The following PDE4B variants were observed in gnomAD, a reference collection of about 807,000 sequenced individuals.
The protein encoded by PDE4B is 3',5'-cyclic-AMP phosphodiesterase 4B.
PDE4B carries 20 observed loss-of-function variants against 82.2 expected under a neutral mutation model. The ratio of observed to expected loss-of-function variants is 0.24; its 90% CI spans 0.17 to 0.35. The LOEUF (loss-of-function observed/expected upper bound fraction) is 0.35. Ranked by LOEUF, PDE4B falls within the 10% of genes least tolerant of loss-of-function variation. The pLI, the probability that PDE4B is intolerant of heterozygous loss-of-function variation, is 1.00. For synonymous variants in PDE4B, 320 were observed against 318.9 expected, an observed-to-expected ratio of 1.00 and a Z score of -0.04; for missense variants, 655 against 907.2, an observed-to-expected ratio of 0.72 and a Z score of 3.57.
chr1:65,921,157 A>G (rs1647235300), intron 3 of PDE4B, among the ~76,000 whole-genome samples: 1 of 150,300 alleles, frequency 6.7e-6, no homozygotes, highest in Non-Finnish European at 1.5e-5. Context: ...TTTAGTAGAG[A>G]CGGGGTTTCA....
intron 3 of PDE4B, among the ~76,000 whole-genome samples, chr1:66,013,328 T>G (rs929660276): frequency 6.6e-6 from 1 of 152,116 alleles, no homozygotes; most frequent in African/African-American, 2.4e-5. Context: ...AGTTTTTCAT[T>G]CAGAAGTGTC....
intron 3 of PDE4B, among the ~76,000 whole-genome samples, chr1:66,164,292 T>G (rs915248995): frequency 1.3e-5 from 2 of 152,030 alleles, no homozygotes; most frequent in African/African-American, 4.8e-5. Context: ...AATCCAGTGC[T>G]TTGGGAGGCC....
At chr1:65,853,386 T>C (rs940989143) in intron 1 of PDE4B, among the ~76,000 whole-genome samples, 2 of 152,164 alleles carry the variant, frequency 1.3e-5, no homozygotes, top group Non-Finnish European at 2.9e-5. Flanking sequence ...TTATTATAGA[T>C]ATATTTCAGT....
At chr1:65,822,984 A>T (rs970111355) in intron 1 of PDE4B, among the ~76,000 whole-genome samples, 4 of 152,074 alleles carry the variant, frequency 2.6e-5, no homozygotes, top group African/African-American at 9.7e-5. Flanking sequence ...ACTGATTTTA[A>T]TTTCCATTTT....
At chr1:66,225,084 G>T (rs938794837) in intron 3 of PDE4B, among the ~76,000 whole-genome samples, 1 of 152,130 alleles carries the variant, frequency 6.6e-6, no homozygotes, top group Non-Finnish European at 1.5e-5. Flanking sequence ...CTTTGCACCT[G>T]CATCTGTCTC....
chr1:65,984,588 C>G (rs182358940), intron 3 of PDE4B, among the ~76,000 whole-genome samples: 21 of 152,234 alleles, frequency 1.4e-4, no homozygotes, highest in Non-Finnish European at 2.4e-4. Context: ...AATCCCATCT[C>G]TAATAAAAAT....
chr1:65,895,365 C>CATGGTGA, intron 1 of PDE4B, among the ~76,000 whole-genome samples: 1 of 151,956 alleles, frequency 6.6e-6, no homozygotes, highest in Non-Finnish European at 1.5e-5. Flanking sequence ...GCTTGGCCAA[C>CATGGTGA]ATGGTGAAAC....
chr1:66,154,275 C>A (rs1285370728), intron 3 of PDE4B, among the ~76,000 whole-genome samples: 1 of 152,166 alleles, frequency 6.6e-6, no homozygotes, highest in African/African-American at 2.4e-5. Context: ...TCTCTGTAAT[C>A]TGAACATAGA....
rs1176821521 is a variant in PDE4B, at chr1:66,360,618, G to A, written c.842-997G>A. 2.6e-5 allele frequency: 4 copies of A among 152,340 alleles called. No homozygotes were observed. The East Asian group carries it at 7.7e-4, about 29-fold the overall frequency. 9.4% of individuals were successfully genotyped at this position (152,340 alleles called of 1,614,324 possible). The stretch of plus-strand genomic sequence containing the variant: ...TTTAGTTCAATAAAGTAGTTTTTAT[G>A]CAATTTAATAATTGCCTCTGTGCAC... On this transcript the variant is annotated intron_variant, in intron 9 of 16. Transcript: ENST00000341517.
chr1:66,015,695 C>T (rs1451983390), intron 3 of PDE4B, among the ~76,000 whole-genome samples: 2 of 152,114 alleles, frequency 1.3e-5, no homozygotes, highest in Non-Finnish European at 2.9e-5. Flanking sequence ...CTCTGAGTTA[C>T]TGAGGATAAC....
chr1:66,099,857 T>C (rs1465711977), intron 3 of PDE4B, among the ~76,000 whole-genome samples: 1 of 152,152 alleles, frequency 6.6e-6, no homozygotes, highest in Non-Finnish European at 1.5e-5. Flanking sequence ...AACAGATTGC[T>C]TTCTCTGCTT....
At chr1:66,012,029 T>C (rs1028832914) in intron 3 of PDE4B, among the ~76,000 whole-genome samples, 5 of 152,144 alleles carry the variant, frequency 3.3e-5, no homozygotes, top group Non-Finnish European at 5.9e-5. Context: ...TTCCCTTTTG[T>C]ATTATAATAA....
intron 3 of PDE4B, among the ~76,000 whole-genome samples, chr1:65,999,304 C>T (rs531270848): frequency 2.5e-4 from 38 of 152,244 alleles, no homozygotes; most frequent in African/African-American, 7.9e-4. Context: ...AGCATTTAAG[C>T]GATTTCTTAG....
At chr1:66,232,962 C>T (rs1388852527) in intron 3 of PDE4B, among the ~76,000 whole-genome samples, 1 of 152,144 alleles carries the variant, frequency 6.6e-6, no homozygotes, top group African/African-American at 2.4e-5. Context: ...GGAATAACCA[C>T]AAGTCTTTTT....
Position 66,103,744 on chromosome 1 carries a change from G to T in PDE4B, c.282-143716G>T, listed in dbSNP as rs1645275348. ...CTAGAGATTTCCCCCTGTGCAATCT[G>T]TTGGAACTTCTTGGGCTTCCATGTG... is the stretch of plus-strand genomic sequence containing the variant. On this transcript the variant is annotated intron_variant, in intron 3 of 16. Transcript: ENST00000341517. Among the ~76,000 whole-genome samples the T allele has an allele frequency of 2.0e-5, 3 of 152,010 alleles. No individual in the cohort carries two copies. The South Asian group carries it at 6.2e-4, about 32-fold the overall frequency.
intron 3 of PDE4B, among the ~76,000 whole-genome samples, chr1:65,986,950 A>G (rs954153359): frequency 2.2e-4 from 33 of 152,204 alleles, no homozygotes; most frequent in Non-Finnish European, 2.9e-5. Flanking sequence ...CCATGCAGAT[A>G]TACTGGGAAA....
At chr1:66,160,992 G>A (rs1384894216) in intron 3 of PDE4B, among the ~76,000 whole-genome samples, 6 of 152,148 alleles carry the variant, frequency 3.9e-5, no homozygotes, top group Non-Finnish European at 5.9e-5. Flanking sequence ...AGACATGTGT[G>A]CATTGTCAGG....
intron 7 of PDE4B, among the ~76,000 whole-genome samples, chr1:66,324,222 C>T (rs917417364): frequency 6.6e-6 from 1 of 152,154 alleles, no homozygotes; most frequent in Non-Finnish European, 1.5e-5. Flanking sequence ...TTATTTATAA[C>T]AGGCCCAGTG....
At chr1:66,305,693 T>C (rs959713839) in intron 7 of PDE4B, among the ~76,000 whole-genome samples, 2 of 152,184 alleles carry the variant, frequency 1.3e-5, no homozygotes, top group African/African-American at 4.8e-5. Flanking sequence ...GAAGATCTTA[T>C]ATTGTTTTCT....
Sources: allele counts gnomAD v4.1 joint callset (sites outside exome capture counted in the v4.1 genomes callset), GRCh38; gene constraint gnomAD v4.1.1; transcripts MANE v1.5; gene names NCBI Gene and HGNC (gene_info 2026-07-23, HGNC 2026-07-21).